Variants in WWTR1 observed in about 807,000 individuals in gnomAD.
The protein encoded by WWTR1 is WW domain containing transcription regulator 1, also known as WW domain-containing transcription regulator protein 1.
In WWTR1, 13 loss-of-function variants were observed where a neutral mutation model predicts 40.1. That is an observed-to-expected ratio of 0.32 (90% CI 0.21 to 0.52). The LOEUF is 0.52. WWTR1 is among the 20% of genes least tolerant of loss of function. The pLI is 0.97. For missense variants in WWTR1, 436 were observed against 523.1 expected, an observed-to-expected ratio of 0.83 and a Z score of 1.63; for synonymous variants, 230 against 210.1, an observed-to-expected ratio of 1.09 and a Z score of -0.82.
chr3:149,646,271 C>T (rs1712522997), intron 2 of WWTR1, among the ~76,000 whole-genome samples: 1 of 152,062 alleles, frequency 6.6e-6, no homozygotes, highest in Non-Finnish European at 1.5e-5. Context: ...GGTGAAGGAC[C>T]GGGGTTTTAT....
At chr3:149,705,601 C>T (rs182701267), upstream of WWTR1, among the ~76,000 whole-genome samples, 1 of 152,140 alleles carries the variant, frequency 6.6e-6, no homozygotes, top group Non-Finnish European at 1.5e-5. Context: ...AGCAAATGCT[C>T]AGTGTTTTGG....
chr3:149,718,146 A>G (rs376329671), intron 4 of WWTR1, among the ~76,000 whole-genome samples: 1 of 152,184 alleles, frequency 6.6e-6, no homozygotes, highest in Non-Finnish European at 1.5e-5. Context: ...CTATGTGACT[A>G]TTAGAAAATT....
chr3:149,537,939 A>C (rs185686393), intron 4 of WWTR1, among the ~76,000 whole-genome samples: 4 of 150,568 alleles, frequency 2.7e-5, no homozygotes, highest in Admixed American at 6.6e-5. Context: ...TTTTTTTTTG[A>C]GACAGAGTCT....
At chr3:149,568,543 A>AC (rs1560064434) in intron 3 of WWTR1, among the ~76,000 whole-genome samples, 2 of 127,058 alleles carry the variant, frequency 1.6e-5, no homozygotes, top group African/African-American at 5.8e-5. Context: ...AAAAAAAAAA[A>AC]AAAAAAAAAA....
At chr3:149,668,385 TC>T (rs1713922064) in intron 2 of WWTR1, among the ~76,000 whole-genome samples, 1 of 151,994 alleles carries the variant, frequency 6.6e-6, no homozygotes, top group African/African-American at 2.4e-5. Context: ...GGCGGGCAGA[TC>T]ACCTGAGGTC....
At chr3:149,627,519 G>A (rs1169327102) in intron 2 of WWTR1, among the ~76,000 whole-genome samples, 1 of 152,184 alleles carries the variant, frequency 6.6e-6, no homozygotes, top group African/African-American at 2.4e-5. Flanking sequence ...CCCTGGAAAT[G>A]CCAGAGAAGC....
At chr3:149,543,603 A>AAAAAAAAAAAAAAAAAAAAAAG (rs57176662) in intron 3 of WWTR1, among the ~76,000 whole-genome samples, 1 of 148,646 alleles carries the variant, frequency 6.7e-6, no homozygotes, top group Non-Finnish European at 1.5e-5. Context: ...AAAAAAAAAA[A>AAAAAAAAAAAAAAAAAAAAAAG]GAACTTCACT....
At chr3:149,724,560 T>C (rs1715830009) in intron 3 of WWTR1, 1 of 151,220 alleles carries the variant, frequency 6.6e-6, no homozygotes, top group Non-Finnish European at 1.5e-5. Flanking sequence ...ATGAAAGCCA[T>C]GGACCATAAC....
At chr3:149,702,472 T>TATTATTATTATC (rs1715210829) in intron 1 of WWTR1, 3 of 150,166 alleles carry the variant, frequency 2.0e-5, no homozygotes, top group African/African-American at 7.3e-5. Context: ...GCCTTATTAT[T>TATTATTATTATC]ATTATTATTA....
chr3:149,562,341 T>G (rs1737122068), intron 3 of WWTR1, among the ~76,000 whole-genome samples: 1 of 151,952 alleles, frequency 6.6e-6, no homozygotes, highest in South Asian at 2.1e-4. Context: ...CATGGTATAT[T>G]AAAAACAAGC....
At chr3:149,594,950 CTTTTT>C (rs563658190) in intron 2 of WWTR1, among the ~76,000 whole-genome samples, 1,335 of 61,824 alleles carry the variant, frequency 0.022, 77 homozygotes, top group African/African-American at 0.069. Flanking sequence ...CTCTTTTTTA[CTTTTT>C]TTTTTTTTTT....
At chr3:149,572,383 C>T (rs1033329783) in intron 3 of WWTR1, among the ~76,000 whole-genome samples, 1 of 152,082 alleles carries the variant, frequency 6.6e-6, no homozygotes, top group African/African-American at 2.4e-5. Context: ...TCACCCAAAG[C>T]GTGTATGTGT....
At chr3:149,706,405 G>A (rs1021716205), upstream of WWTR1, among the ~76,000 whole-genome samples, 5 of 151,558 alleles carry the variant, frequency 3.3e-5, no homozygotes, top group South Asian at 2.1e-4. Flanking sequence ...CACAACCTCC[G>A]TCTCCTGGGT....
chr3:149,702,368 G>A (rs1285764628), intron 1 of WWTR1: 1 of 151,854 alleles, frequency 6.6e-6, no homozygotes, highest in East Asian at 1.9e-4. Context: ...AGAGATTCTG[G>A]GTTTTGGAGA....
At chr3:149,666,271 A>T (rs1713815341) in intron 2 of WWTR1, among the ~76,000 whole-genome samples, 1 of 152,224 alleles carries the variant, frequency 6.6e-6, no homozygotes, top group Non-Finnish European at 1.5e-5. Flanking sequence ...TGGTCAAAAA[A>T]GTTAATTTGT....
intron 2 of WWTR1, among the ~76,000 whole-genome samples, chr3:149,595,758 C>T (rs759326050): frequency 1.2e-4 from 18 of 152,136 alleles, no homozygotes; most frequent in Non-Finnish European, 2.4e-4. Context: ...TTGGGCGAGG[C>T]GCGGTGGCCC....
At chr3:149,598,719 T>C (rs1739113052) in intron 2 of WWTR1, among the ~76,000 whole-genome samples, 1 of 152,218 alleles carries the variant, frequency 6.6e-6, no homozygotes, top group African/African-American at 2.4e-5. Context: ...AACATCATAA[T>C]TTAATTAACA....
At chr3:149,697,476 T>C (rs1715032781) in intron 1 of WWTR1, among the ~76,000 whole-genome samples, 1 of 152,182 alleles carries the variant, frequency 6.6e-6, no homozygotes, top group African/African-American at 2.4e-5. Context: ...TCCATGTTCA[T>C]GGACTGGAAG....
rs73000075 is a variant in WWTR1 at position 149,677,471 on chromosome 3, C to A, written c.-107-7580G>T. ...ACTTGGACTACCTTTCATACACTGA[C>A]AAGCTCCAAATGTATATCTACAGAG... On this transcript the variant is annotated intron_variant, in intron 1 of 7. Coordinates refer to the WWTR1 transcript ENST00000465804. Among the ~76,000 whole-genome samples the A allele has an allele frequency of 6.4e-3, 978 of 152,252 alleles. 11 individuals carry two copies. The highest frequency in any genetic ancestry group is 0.023 in the African/African-American group (935 of 41,550).
Sources: allele counts gnomAD v4.1 joint callset (sites outside exome capture counted in the v4.1 genomes callset), GRCh38; gene constraint gnomAD v4.1.1; transcripts MANE v1.5; gene names NCBI Gene and HGNC (gene_info 2026-07-23, HGNC 2026-07-21).